DLGAP2: variants seen among roughly 807,000 people sequenced by gnomAD.
DLGAP2 encodes the protein DLG associated protein 2, also known as disks large-associated protein 2.
A neutral mutation model predicts 100.3 loss-of-function variants in DLGAP2; 26 were observed. The observed-to-expected ratio is 0.26, with a 90% CI of 0.19 to 0.36. The LOEUF is 0.36. Among genes scored for constraint, DLGAP2 ranks in the 10% least tolerant of loss-of-function variants. DLGAP2 has a pLI of 1.00. For missense variants in DLGAP2, 1,858 were observed against 1,453.2 expected, an observed-to-expected ratio of 1.28 and a Z score of -4.53; for synonymous variants, 886 against 630.1, an observed-to-expected ratio of 1.41 and a Z score of -6.08.
chr8:893,511 C>G lies in DLGAP2; in HGVS notation c.19-14401C>G, dbSNP rs549534109. 9.9e-4 allele frequency among the ~76,000 whole-genome samples: 151 copies of G among 152,294 alleles called. 1 individual carries two copies. Among genetic ancestry groups the G allele is most frequent in the African/African-American group, 3.4e-3 (140 of 41,568 alleles). On this transcript the variant is annotated intron_variant, in intron 1 of 14. Coordinates refer to ENST00000637795, the MANE Select transcript of DLGAP2 (RefSeq NM_001346810.2). ...GCAGCAGATAGGCAGGAAACCTGTC[C>G]CATGAAGGGGAGGGTGGGGTTAGAG...
At chr8:1,163,044 G>C (rs1377777286) in intron 2 of DLGAP2, among the ~76,000 whole-genome samples, 1 of 152,110 alleles carries the variant, frequency 6.6e-6, no homozygotes, top group African/African-American at 2.4e-5. Flanking sequence ...CCGAGGTGAG[G>C]CCCTGGAGTG....
chr8:869,743 T>C (rs995629871), intron 1 of DLGAP2, among the ~76,000 whole-genome samples: 12 of 152,236 alleles, frequency 7.9e-5, no homozygotes, highest in Non-Finnish European at 1.8e-4. Context: ...CCGTGATATT[T>C]TGGCAAGCCT....
chr8:860,306 A>G (rs189777847), intron 1 of DLGAP2, among the ~76,000 whole-genome samples: 3 of 152,260 alleles, frequency 2.0e-5, no homozygotes, highest in Non-Finnish European at 4.4e-5. Flanking sequence ...TTTGTGACCA[A>G]CCACTGGCTG....
intron 10 of DLGAP2, among the ~76,000 whole-genome samples, chr8:1,675,967 T>G (rs1798801919): frequency 6.6e-6 from 1 of 152,196 alleles, no homozygotes; most frequent in African/African-American, 2.4e-5. Flanking sequence ...CTCTGTGGAA[T>G]ACATGATTTC....
At chr8:881,873 G>A (rs570635863) in intron 1 of DLGAP2, among the ~76,000 whole-genome samples, 5 of 152,074 alleles carry the variant, frequency 3.3e-5, no homozygotes, top group South Asian at 2.1e-4. Flanking sequence ...GAAATAAACC[G>A]TGAAGTGTCA....
intron 3 of DLGAP2, among the ~76,000 whole-genome samples, chr8:1,420,204 G>T (rs567678583): frequency 3.3e-5 from 5 of 152,282 alleles, no homozygotes; most frequent in Middle Eastern, 3.4e-3. Flanking sequence ...CCAGGGTCCA[G>T]CTTGAGTCTC....
At chr8:1,641,874 G>C (rs111351728) in intron 8 of DLGAP2, among the ~76,000 whole-genome samples, 6,960 of 144,654 alleles carry the variant, frequency 0.048, 451 homozygotes, top group African/African-American at 0.16. Flanking sequence ...CATACCCCTC[G>C]AACCCGCCGG....
intron 6 of DLGAP2, among the ~76,000 whole-genome samples, chr8:1,574,709 A>G (rs923200656): frequency 6.6e-6 from 1 of 152,224 alleles, no homozygotes; most frequent in African/African-American, 2.4e-5. Context: ...TGCTGAGTTG[A>G]TAAAGTTGGT....
At chr8:1,140,959 G>T (rs1270852696) in intron 2 of DLGAP2, among the ~76,000 whole-genome samples, 2 of 152,166 alleles carry the variant, frequency 1.3e-5, no homozygotes, top group Non-Finnish European at 1.5e-5. Context: ...CTCCAGCCTG[G>T]GTGACAGGGC....
chr8:1,240,621 C>T (rs1422465998), intron 2 of DLGAP2, among the ~76,000 whole-genome samples: 1 of 142,252 alleles, frequency 7.0e-6, no homozygotes, highest in Admixed American at 7.1e-5. Flanking sequence ...TTCTCTCTCG[C>T]ACATAGCGTC....
intron 3 of DLGAP2, among the ~76,000 whole-genome samples, chr8:1,441,626 T>C (rs148580972): frequency 1.4e-5 from 2 of 144,634 alleles, no homozygotes; most frequent in East Asian, 4.1e-4. Flanking sequence ...AGGCGGAGGT[T>C]GCAGTGAGCC....
intron 2 of DLGAP2, among the ~76,000 whole-genome samples, chr8:994,678 C>G (rs1177654947): frequency 2.0e-5 from 3 of 152,176 alleles, no homozygotes; most frequent in Admixed American, 1.3e-4. Context: ...GGGGCTGGAA[C>G]TCAGCTCTGT....
intron 2 of DLGAP2, among the ~76,000 whole-genome samples, chr8:1,085,403 T>G (rs1397272276): frequency 6.6e-6 from 1 of 152,218 alleles, no homozygotes; most frequent in Non-Finnish European, 1.5e-5. Context: ...TACCTGCGCT[T>G]TTGGAATTAA....
intron 2 of DLGAP2, among the ~76,000 whole-genome samples, chr8:1,125,999 C>T (rs1336039912): frequency 2.6e-5 from 4 of 152,230 alleles, no homozygotes; most frequent in South Asian, 2.1e-4. Flanking sequence ...TGGACACTTC[C>T]GGCTCTGGAA....
chr8:836,857 C>T (rs975256849), intron 1 of DLGAP2, among the ~76,000 whole-genome samples: 2 of 152,362 alleles, frequency 1.3e-5, no homozygotes, highest in African/African-American at 2.4e-5. Flanking sequence ...ACTCTGCGCT[C>T]GTCTCCTTTC....
At chr8:1,027,726 T>C (rs1309115334) in intron 2 of DLGAP2, among the ~76,000 whole-genome samples, 1 of 137,186 alleles carries the variant, frequency 7.3e-6, no homozygotes, top group African/African-American at 2.8e-5. Flanking sequence ...CGCCCGTTAT[T>C]CTCCAGGTGG....
At chr8:1,365,942 C>T (rs778724997) in intron 3 of DLGAP2, among the ~76,000 whole-genome samples, 7 of 152,232 alleles carry the variant, frequency 4.6e-5, no homozygotes, top group African/African-American at 9.6e-5. Context: ...TGTAGCTTCA[C>T]GTCTCTTTGT....
chr8:1,140,032 C>T (rs1796494297), intron 2 of DLGAP2, among the ~76,000 whole-genome samples: 1 of 152,158 alleles, frequency 6.6e-6, no homozygotes, highest in African/African-American at 2.4e-5. Context: ...CATAACATTT[C>T]AAATTTTAAA....
chr8:813,468 G>A (rs746710232), intron 1 of DLGAP2, among the ~76,000 whole-genome samples: 1 of 152,128 alleles, frequency 6.6e-6, no homozygotes, highest in Non-Finnish European at 1.5e-5. Context: ...GATGCCTCAT[G>A]TGAAATAGAA....
Sources: gnomAD v4.1 joint callset for allele counts (sites outside exome capture counted in the v4.1 genomes callset) on GRCh38, gnomAD v4.1.1 for gene constraint, MANE v1.5 for transcripts, NCBI Gene and HGNC (gene_info 2026-07-23, HGNC 2026-07-21) for gene names.